The following F8 variants were observed in gnomAD, a reference collection of about 807,000 sequenced individuals.
F8 encodes the protein coagulation factor VIII.
A neutral mutation model predicts 140.6 loss-of-function variants in F8; 12 were observed. The ratio of observed to expected loss-of-function variants is 0.09; its 90% CI spans 0.05 to 0.14. The LOEUF is 0.14. Ranked by LOEUF, F8 falls within the 10% of genes least tolerant of loss-of-function variation. F8 has a pLI of 1.00. For synonymous variants in F8, 585 were observed against 614.6 expected, an observed-to-expected ratio of 0.95 and a Z score of 0.71; for missense variants, 1,354 against 1,720.7, an observed-to-expected ratio of 0.79 and a Z score of 3.77.
intron 22 of F8, among the ~76,000 whole-genome samples, chrX:154,871,956 A>G (rs2072776946): frequency 8.9e-6 from 1 of 112,686 alleles, no homozygotes; most frequent in East Asian, 2.8e-4. Flanking sequence ...AATGCTGATC[A>G]TCACTGGTCA....
chrX:155,009,876 T>G (rs1557286429), intron 1 of F8, among the ~76,000 whole-genome samples: 1 of 111,563 alleles, frequency 9.0e-6, no homozygotes, highest in Non-Finnish European at 1.9e-5. Flanking sequence ...ACTTTTTCCC[T>G]CTCTGAGGGA....
At chrX:154,854,892 G>A (rs1196765559) in intron 25 of F8, among the ~76,000 whole-genome samples, 2 of 111,486 alleles carry the variant, frequency 1.8e-5, no homozygotes, top group African/African-American at 3.3e-5. Flanking sequence ...AGCACTTTGG[G>A]AGGCCGAGGT....
rs142874182 is a variant in F8 at position 154,914,283 on chromosome X, G to A, written c.5220-7710C>T. Among the ~76,000 whole-genome samples, 199 of 112,859 alleles carry A rather than the reference G, an allele frequency of 1.8e-3. 3 individuals are homozygous for A. The East Asian group carries it at 0.03, about 17-fold the overall frequency. On this transcript the variant is annotated intron_variant, in intron 14 of 25. Coordinates refer to ENST00000360256, the MANE Select transcript of F8 (RefSeq NM_000132.4). ...TTCCCTCCTAGGCCTCCAGGCCTGT[G>A]ATGGGAGGGGCTGCTGCGAAGGTCT...
rs782173613 is a variant in F8 at position 154,896,987 on chromosome X, TA to T, written c.6274-756del. On this transcript the variant is annotated intron_variant, in intron 21 of 25. Coordinates refer to ENST00000360256, the MANE Select transcript of F8 (RefSeq NM_000132.4). ...TATCTCAAAGGGCTGCCATAGGGGTTAAAGAGTTAATACATGTAATGTGCTG... is the reference window on the plus strand; with the variant it reads ...TATCTCAAAGGGCTGCCATAGGGGTTAAGAGTTAATACATGTAATGTGCTG... Among the ~76,000 whole-genome samples the T allele has an allele frequency of 2.4e-3, 266 of 112,185 alleles. 10 individuals are homozygous for T. In the South Asian group the frequency reaches 0.054, roughly 23 times the overall value.
chrX:155,021,676 T>C (rs2073761088), intron 1 of F8, among the ~76,000 whole-genome samples: 1 of 111,271 alleles, frequency 9.0e-6, no homozygotes, highest in African/African-American at 3.3e-5. Flanking sequence ...ATATACAACA[T>C]AAGGAATGAA....
At chrX:154,966,276 T>C in intron 8 of F8, 135 bp from the exon 9 acceptor site, 3 of 895,370 alleles carry the variant, frequency 3.4e-6, no homozygotes, top group Non-Finnish European at 4.7e-6. Flanking sequence ...TGCTCAGCTA[T>C]GTTAGTTTCC....
chrX:154,970,551 T>G (rs2073451304), intron 6 of F8, among the ~76,000 whole-genome samples: 1 of 111,879 alleles, frequency 8.9e-6, no homozygotes. Flanking sequence ...GAAACTGGTG[T>G]ACTATTTCTG....
At chrX:154,939,442 C>T (rs1158903928) in intron 13 of F8, among the ~76,000 whole-genome samples, 3 of 112,659 alleles carry the variant, frequency 2.7e-5, no homozygotes, top group Non-Finnish European at 5.6e-5. Flanking sequence ...TGAGATCAAA[C>T]TGCAAGGTGG....
intron 25 of F8, among the ~76,000 whole-genome samples, chrX:154,859,028 T>G (rs1375082176): frequency 1.9e-4 from 21 of 112,155 alleles, no homozygotes; most frequent in Admixed American, 1.4e-3. Flanking sequence ...ATCCAATTAG[T>G]TGAAGGCCTG....
chrX:154,860,389 AT>A (rs782541492), intron 25 of F8, 42 bp downstream of exon 25: 13 of 1,177,972 alleles, frequency 1.1e-5, no homozygotes, highest in South Asian at 5.3e-5. Flanking sequence ...GAGAGGTGGT[AT>A]TTTTTTTCTT....
chrX:155,010,459 G>A (rs1401532184), intron 1 of F8, among the ~76,000 whole-genome samples: 2 of 111,635 alleles, frequency 1.8e-5, no homozygotes, highest in Non-Finnish European at 3.8e-5. Flanking sequence ...CCTTGGCAGA[G>A]GCTGTCAGGA....
chrX:154,871,251 A>G (rs2072771704), intron 22 of F8, among the ~76,000 whole-genome samples: 1 of 111,893 alleles, frequency 8.9e-6, no homozygotes, highest in African/African-American at 3.2e-5. Context: ...ACAATCCTGG[A>G]CAAGAAGGAC....
At chrX:154,866,525 C>T (rs1194401529) in intron 22 of F8, among the ~76,000 whole-genome samples, 1 of 111,791 alleles carries the variant, frequency 8.9e-6, no homozygotes, top group Non-Finnish European at 1.9e-5. Context: ...TAATATCATA[C>T]CAAGTATATT....
intron 25 of F8, among the ~76,000 whole-genome samples, chrX:154,850,083 T>G (rs868931305): frequency 1.0e-5 from 1 of 96,073 alleles, no homozygotes; most frequent in Non-Finnish European, 2.1e-5. Context: ...CAGGCTTGTT[T>G]TGTGTGTGTG....
intron 22 of F8, among the ~76,000 whole-genome samples, chrX:154,891,020 T>A (rs1014118228): frequency 5.3e-5 from 6 of 112,836 alleles, no homozygotes; most frequent in Non-Finnish European, 9.4e-5. Context: ...TCCAGCTAAG[T>A]TTTAAATAAC....
chrX:155,005,780 G>A (rs1331329309), intron 1 of F8, among the ~76,000 whole-genome samples: 1 of 112,082 alleles, frequency 8.9e-6, no homozygotes, highest in Non-Finnish European at 1.9e-5. Context: ...TTTGGCTGAA[G>A]TCAGTCACCA....
chrX:154,848,605 C>T lies in F8; in HGVS notation c.6901-10853G>A, dbSNP rs1190320063. On this transcript the variant is annotated intron_variant, in intron 25 of 25. Coordinates refer to ENST00000360256, the MANE Select transcript of F8 (RefSeq NM_000132.4). ...CTGAGCCAGGTGCAGGATATAATCT[C>T]CTGGTGTGCCGTTTGCTAAGACCAT... Among the ~76,000 whole-genome samples the T allele has an allele frequency of 5.3e-5, 6 of 112,342 alleles. No individual in the cohort carries two copies. The Admixed American group carries it at 5.6e-4, about 10-fold the overall frequency.
chrX:155,019,565 G>C (rs1056814834), intron 1 of F8, among the ~76,000 whole-genome samples: 16 of 110,971 alleles, frequency 1.4e-4, no homozygotes, highest in African/African-American at 5.3e-4. Context: ...AGGCTGAGGT[G>C]GGGGGAATGC....
At chrX:154,912,845 T>C (rs1341934704) in intron 14 of F8, among the ~76,000 whole-genome samples, 2 of 111,630 alleles carry the variant, frequency 1.8e-5, no homozygotes, top group Non-Finnish European at 3.8e-5. Flanking sequence ...GGCACCTTTT[T>C]CACAAGGTGG....
Sources: gnomAD v4.1 joint callset for allele counts (sites outside exome capture counted in the v4.1 genomes callset) on GRCh38, gnomAD v4.1.1 for gene constraint, MANE v1.5 for transcripts, NCBI Gene and HGNC (gene_info 2026-07-23, HGNC 2026-07-21) for gene names.